The following KMT2C variants were observed in gnomAD, a reference collection of about 807,000 sequenced individuals.
KMT2C encodes lysine methyltransferase 2C, also known as histone-lysine N-methyltransferase 2C.
KMT2C carries 88 observed loss-of-function variants against 507.9 expected under a neutral mutation model. The observed-to-expected ratio is 0.17, with a 90% CI of 0.15 to 0.21. The LOEUF is 0.21. KMT2C is among the 10% of genes least tolerant of loss of function. The probability of loss-of-function intolerance (pLI) is 1.00; values close to 1 mark genes in which losing one functional copy is unlikely to be tolerated. For missense variants in KMT2C, 4,954 were observed against 5,957.8 expected, an observed-to-expected ratio of 0.83 and a Z score of 5.55; for synonymous variants, 2,049 against 2,080.8, an observed-to-expected ratio of 0.98 and a Z score of 0.42.
chr7:152,223,228 C>T (rs902089493), intron 20 of KMT2C, among the ~76,000 whole-genome samples: 1 of 151,660 alleles, frequency 6.6e-6, no homozygotes, highest in African/African-American at 2.4e-5. Context: ...CTAAAGAGTA[C>T]AACAATATAC....
At chr7:152,241,900 G>C (rs1343421428) in intron 14 of KMT2C, among the ~76,000 whole-genome samples, 1 of 152,082 alleles carries the variant, frequency 6.6e-6, no homozygotes, top group Non-Finnish European at 1.5e-5. Context: ...TAATTTAAAA[G>C]TTAGCTTTGA....
chr7:152,247,505 A>C (rs1346095347), intron 14 of KMT2C, among the ~76,000 whole-genome samples: 7 of 152,416 alleles, frequency 4.6e-5, no homozygotes, highest in African/African-American at 1.4e-4. Flanking sequence ...AAATATATAC[A>C]ATGAATAATA....
intron 58 of KMT2C, chr7:152,137,581 G>T (rs937900946): frequency 6.6e-6 from 1 of 152,206 alleles, no homozygotes; most frequent in South Asian, 2.1e-4. Context: ...ACGCTAGCTG[G>T]AAAGACCTTC....
At chr7:152,167,520 A>G in intron 41 of KMT2C, 142 bp from the exon 42 acceptor site, 1 of 595,846 alleles carries the variant, frequency 1.7e-6, no homozygotes, top group Non-Finnish European at 2.9e-6. Flanking sequence ...ATATTAGACG[A>G]TTATGTAATG....
chr7:152,370,317 G>T (rs2097284547), intron 1 of KMT2C, among the ~76,000 whole-genome samples: 1 of 152,118 alleles, frequency 6.6e-6, no homozygotes, highest in Non-Finnish European at 1.5e-5. Flanking sequence ...CACCCAAGAT[G>T]AAATATGTAA....
At chr7:152,418,467 G>A (rs1171821681) in intron 1 of KMT2C, among the ~76,000 whole-genome samples, 5 of 152,180 alleles carry the variant, frequency 3.3e-5, no homozygotes, top group Admixed American at 2.0e-4. Flanking sequence ...GTCTCGCTCT[G>A]TCGCCCAGGC....
intron 1 of KMT2C, among the ~76,000 whole-genome samples, chr7:152,400,508 G>T (rs1300444163): frequency 6.6e-6 from 1 of 152,148 alleles, no homozygotes; most frequent in African/African-American, 2.4e-5. Flanking sequence ...AAAGGAAGAA[G>T]AATCACACAG....
rs1270963145 is a variant in KMT2C at position 152,187,748 on chromosome 7, GAGA to G, written c.4757_4759del (p.Phe1586del). 1.9e-6 allele frequency: 3 copies of G among 1,614,020 alleles called. No homozygotes were observed. The highest frequency in any genetic ancestry group is 2.7e-5 in the African/African-American group (2 of 74,928). On this transcript the variant is annotated inframe_deletion, in exon 32 of 59. Transcript: ENST00000262189. ...AGGATAAGAGGATTGTGCAATTGCAGAGAAAGTTCCCAGTCCGCTTCCAGGTGG... is the reference window on the plus strand; with the variant it reads ...AGGATAAGAGGATTGTGCAATTGCAGAAGTTCCCAGTCCGCTTCCAGGTGG...
intron 14 of KMT2C, among the ~76,000 whole-genome samples, chr7:152,241,341 C>T (rs1342597871): frequency 6.6e-6 from 1 of 152,210 alleles, no homozygotes; most frequent in Non-Finnish European, 1.5e-5. Context: ...GCTGGGATTA[C>T]AGGCATGCGC....
chr7:152,337,909 T>G (rs1589280633), intron 2 of KMT2C, among the ~76,000 whole-genome samples: 1 of 151,444 alleles, frequency 6.6e-6, no homozygotes, highest in Non-Finnish European at 1.5e-5. Flanking sequence ...CAGGCTGGAG[T>G]GCAGTGGCGC....
At chr7:152,418,118 TTAG>T (rs2097757137) in intron 1 of KMT2C, among the ~76,000 whole-genome samples, 1 of 151,728 alleles carries the variant, frequency 6.6e-6, no homozygotes, top group African/African-American at 2.4e-5. Context: ...TTTTTGTATC[TTAG>T]TAGAGATGGG....
At chr7:152,417,189 G>A (rs146163735) in intron 1 of KMT2C, among the ~76,000 whole-genome samples, 1 of 152,040 alleles carries the variant, frequency 6.6e-6, no homozygotes, top group African/African-American at 2.4e-5. Context: ...AATAGGCACA[G>A]CTCACTGCAA....
intron 48 of KMT2C, 110 bp downstream of exon 48, chr7:152,153,900 C>T (rs2091851251): frequency 2.7e-6 from 3 of 1,106,926 alleles, no homozygotes; most frequent in Admixed American, 4.0e-5. Flanking sequence ...TGCTCTCTGA[C>T]CCTTTATCCT....
chr7:152,258,983 G>A (rs1378411405), intron 9 of KMT2C, among the ~76,000 whole-genome samples: 2 of 152,182 alleles, frequency 1.3e-5, no homozygotes, highest in African/African-American at 4.8e-5. Flanking sequence ...GAGGGAAAGT[G>A]GAATAATGTG....
At chr7:152,219,154 G>A (rs977422848) in intron 23 of KMT2C, among the ~76,000 whole-genome samples, 1 of 152,066 alleles carries the variant, frequency 6.6e-6, no homozygotes. Flanking sequence ...ATTTTTAGCA[G>A]AGAATGGGTT....
At chr7:152,230,150 T>A (rs1384654684) in intron 17 of KMT2C, 70 bp downstream of exon 17, 1 of 1,042,648 alleles carries the variant, frequency 9.6e-7, no homozygotes, top group Non-Finnish European at 1.5e-6. Flanking sequence ...GACTTCTGTG[T>A]ATATGAGATA....
chr7:152,383,623 G>A (rs563117492), intron 1 of KMT2C, among the ~76,000 whole-genome samples: 2,723 of 152,294 alleles, frequency 0.018, 23 homozygotes, highest in Non-Finnish European at 0.03. Context: ...AAACCAGAAA[G>A]GCAATAAATA....
At chr7:152,365,802 TAGAC>T (rs926353351) in intron 1 of KMT2C, among the ~76,000 whole-genome samples, 19 of 152,300 alleles carry the variant, frequency 1.2e-4, no homozygotes, top group African/African-American at 4.3e-4. Flanking sequence ...GTCTTTCAGG[TAGAC>T]AGAATATAAT....
intron 1 of KMT2C, among the ~76,000 whole-genome samples, chr7:152,383,114 T>C (rs1174312047): frequency 6.6e-6 from 1 of 152,300 alleles, no homozygotes; most frequent in Non-Finnish European, 1.5e-5. Flanking sequence ...TTCTATATTT[T>C]CCACACATCT....
Sources: allele counts gnomAD v4.1 joint callset (sites outside exome capture counted in the v4.1 genomes callset), GRCh38; gene constraint gnomAD v4.1.1; transcripts MANE v1.5; gene names NCBI Gene and HGNC (gene_info 2026-07-23, HGNC 2026-07-21).